Variants in KLHL29 observed in about 807,000 individuals in gnomAD.
The protein encoded by KLHL29 is kelch-like protein 29.
Under a neutral mutation model 80.4 loss-of-function variants are expected in KLHL29, and 21 were observed. The ratio of observed to expected loss-of-function variants is 0.26; its 90% CI spans 0.19 to 0.38. The LOEUF (loss-of-function observed/expected upper bound fraction) is 0.38. Ranked by LOEUF, KLHL29 falls within the 10% of genes least tolerant of loss-of-function variation. KLHL29 has a pLI of 1.00. For missense variants in KLHL29, 867 were observed against 1,223.9 expected (o/e 0.71, Z 4.35); for synonymous variants, 511 against 526.8 (o/e 0.97, Z 0.41).
intron 8 of KLHL29, 141 bp downstream of exon 8, chr2:23,693,669 G>C: frequency 1.1e-6 from 1 of 919,110 alleles, no homozygotes; most frequent in South Asian, 1.7e-5. Flanking sequence ...GGCGGGCAGA[G>C]AGGTGAGAAA....
At chr2:23,588,902 A>G (rs868668005) in intron 3 of KLHL29, among the ~76,000 whole-genome samples, 2 of 151,818 alleles carry the variant, frequency 1.3e-5, no homozygotes, top group African/African-American at 4.8e-5. Flanking sequence ...CAATCTCCAC[A>G]CTCTCAGACA....
intron 3 of KLHL29, among the ~76,000 whole-genome samples, chr2:23,573,320 A>G (rs530608062): frequency 2.0e-5 from 3 of 152,312 alleles, no homozygotes; most frequent in African/African-American, 7.2e-5. Flanking sequence ...ACTTTGTTGC[A>G]GGCACTGTTC....
chr2:23,662,826 C>G (rs1670449828), intron 5 of KLHL29, among the ~76,000 whole-genome samples: 1 of 152,216 alleles, frequency 6.6e-6, no homozygotes, highest in African/African-American at 2.4e-5. Flanking sequence ...GGGCCCCGAG[C>G]CTGACTGCCT....
chr2:23,512,461 T>C (rs1234186142), intron 2 of KLHL29, among the ~76,000 whole-genome samples: 1 of 151,674 alleles, frequency 6.6e-6, no homozygotes, highest in Non-Finnish European at 1.5e-5. Context: ...AAAAAAAAGA[T>C]TGGGATGATA....
chr2:23,483,767 G>A (rs1470962148), intron 2 of KLHL29, among the ~76,000 whole-genome samples: 1 of 152,180 alleles, frequency 6.6e-6, no homozygotes, highest in Non-Finnish European at 1.5e-5. Context: ...GAGAGGTCTA[G>A]TATCTTGCTC....
intron 2 of KLHL29, among the ~76,000 whole-genome samples, chr2:23,490,801 A>AC (rs1207104259): frequency 6.6e-6 from 1 of 151,660 alleles, no homozygotes; most frequent in Non-Finnish European, 1.5e-5. Flanking sequence ...CCCAACCTAA[A>AC]CCCCCCCATG....
At position 23,526,062 on chromosome 2, in the gene KLHL29, G is replaced by C. The variant is rs572564984; in HGVS notation, c.-45-36090G>C. Among the ~76,000 whole-genome samples the C allele has an allele frequency of 5.3e-5, 8 of 152,332 alleles. No individual in the cohort carries two copies. In the South Asian group the frequency reaches 1.7e-3, roughly 32 times the overall value. On this transcript the variant is annotated intron_variant, in intron 2 of 13. Coordinates refer to ENST00000486442, the MANE Select transcript of KLHL29 (RefSeq NM_052920.2). ...AATGTTTGCCCTCCTCTGCTTCCTT[G>C]AGAGGAAGGTAAAGGCTGAAAGGGA...
At chr2:23,634,431 C>T (rs1227261230) in intron 3 of KLHL29, among the ~76,000 whole-genome samples, 1 of 152,182 alleles carries the variant, frequency 6.6e-6, no homozygotes, top group Non-Finnish European at 1.5e-5. Context: ...TCTGCCAGAT[C>T]GAATCCTGCC....
At chr2:23,426,387 C>T (rs779044496) in intron 1 of KLHL29, among the ~76,000 whole-genome samples, 1 of 152,232 alleles carries the variant, frequency 6.6e-6, no homozygotes, top group Non-Finnish European at 1.5e-5. Context: ...GACTTCCCGG[C>T]GGCCACTGGT....
chr2:23,429,528 G>A (rs1480538792), intron 1 of KLHL29, among the ~76,000 whole-genome samples: 3 of 152,158 alleles, frequency 2.0e-5, no homozygotes, highest in Admixed American at 6.5e-5. Flanking sequence ...CGAGGTGGGC[G>A]GATTACCTGA....
intron 2 of KLHL29, among the ~76,000 whole-genome samples, chr2:23,555,174 A>T (rs1164828463): frequency 6.6e-6 from 1 of 150,916 alleles, no homozygotes; most frequent in East Asian, 2.0e-4. Flanking sequence ...ACCACCCTAC[A>T]GGATCCTGGC....
chr2:23,655,761 G>T (rs2149166358), intron 5 of KLHL29, among the ~76,000 whole-genome samples: 1 of 152,328 alleles, frequency 6.6e-6, no homozygotes, highest in South Asian at 2.1e-4. Context: ...GTGCAGGGTG[G>T]TCCCCGGGCT....
intron 1 of KLHL29, among the ~76,000 whole-genome samples, chr2:23,444,833 G>T (rs1327806466): frequency 6.6e-6 from 1 of 152,098 alleles, no homozygotes; most frequent in Non-Finnish European, 1.5e-5. Flanking sequence ...GAGTTGAAAA[G>T]TCATTTGAAA....
chr2:23,429,850 C>T (rs1391496558), intron 1 of KLHL29, among the ~76,000 whole-genome samples: 1 of 151,764 alleles, frequency 6.6e-6, no homozygotes, highest in African/African-American at 2.4e-5. Flanking sequence ...ACAGCTACCA[C>T]TATCATTTTG....
intron 2 of KLHL29, among the ~76,000 whole-genome samples, chr2:23,555,949 C>T (rs957812403): frequency 1.3e-5 from 2 of 152,184 alleles, no homozygotes; most frequent in East Asian, 1.9e-4. Flanking sequence ...TTGGGGTGCA[C>T]CTGTGTGCAT....
intron 6 of KLHL29, among the ~76,000 whole-genome samples, chr2:23,688,115 G>A (rs1026934477): frequency 6.6e-6 from 1 of 152,114 alleles, no homozygotes; most frequent in Non-Finnish European, 1.5e-5. Flanking sequence ...GCCAGATAAC[G>A]AGACTCCCAT....
intron 1 of KLHL29, among the ~76,000 whole-genome samples, chr2:23,456,764 A>G (rs1664064736): frequency 6.6e-6 from 1 of 152,282 alleles, no homozygotes; most frequent in Admixed American, 6.5e-5. Flanking sequence ...TCCCCCACCA[A>G]AAAAAGGGGG....
chr2:23,642,719 C>T lies in KLHL29; in HGVS notation c.809C>T (p.Pro270Leu), dbSNP rs531146144. 58 of 1,548,906 alleles carry T rather than the reference C, an allele frequency of 3.7e-5. No individual in the cohort carries two copies. Among genetic ancestry groups the T allele is most frequent in the Admixed American group, 1.2e-4 (6 of 50,934 alleles). Reference sequence around the variant, plus strand: ...CTGCCTCCACCGCCGCCAGCCCAGCCGTCCGCCACTCTCCCCAGTGGTGCC... The same window carrying T: ...CTGCCTCCACCGCCGCCAGCCCAGCTGTCCGCCACTCTCCCCAGTGGTGCC... Reference protein sequence around the residue: ...PLLPPPPPAQPSATLPSGAPA... With the variant: ...PLLPPPPPAQLSATLPSGAPA... The change falls in exon 5 of 14, where the codon CCG becomes CTG. Residue 270 changes from proline to leucine, a missense_variant. Pro to Leu is a moderately conservative substitution (Grantham distance 98, BLOSUM62 -3). Around this residue, in one of 2 missense-constraint regions of KLHL29, gnomAD observed 424 missense variants for 456.9 expected, o/e 0.93. Coordinates refer to ENST00000486442, the MANE Select transcript of KLHL29 (RefSeq NM_052920.2).
intron 5 of KLHL29, among the ~76,000 whole-genome samples, chr2:23,659,413 C>T (rs891934785): frequency 6.6e-6 from 1 of 152,164 alleles, no homozygotes; most frequent in Non-Finnish European, 1.5e-5. Context: ...CATGCTTACC[C>T]AGTGGGTCAG....
Sources: gnomAD v4.1 joint callset for allele counts (sites outside exome capture counted in the v4.1 genomes callset) on GRCh38, gnomAD v4.1.1 for gene constraint, gnomAD v4.1.1 regional missense constraint, MANE v1.5 for transcripts, NCBI Gene and HGNC (gene_info 2026-07-23, HGNC 2026-07-21) for gene names.